The following HOXB6 variants were observed in gnomAD, a reference collection of about 807,000 sequenced individuals.
HOXB6 encodes the protein homeobox protein Hox-B6.
In HOXB6, 18 loss-of-function variants were observed where a neutral mutation model predicts 24.2. That is an observed-to-expected ratio of 0.74 (90% CI 0.51 to 1.10). HOXB6 has a LOEUF of 1.10. Ranked by LOEUF, HOXB6 falls within the 50% of genes least tolerant of loss-of-function variation. The pLI is 0.00. For missense variants in HOXB6, 332 were observed against 308.3 expected (o/e 1.08, Z -0.58); for synonymous variants, 159 against 139.1 (o/e 1.14, Z -1.01).
intron 2 of HOXB6, among the ~76,000 whole-genome samples, chr17:48,600,757 A>G (rs553882156): frequency 2.2e-4 from 33 of 152,256 alleles, no homozygotes; most frequent in Admixed American, 7.2e-4. Context: ...CCCTGCCTCA[A>G]TGAGGAAGTG....
chr17:48,602,946 A>G (rs1480297501), intron 2 of HOXB6, among the ~76,000 whole-genome samples: 1 of 152,214 alleles, frequency 6.6e-6, no homozygotes. Context: ...CGGTCCCTCC[A>G]GGCGCCCAGG....
intron 2 of HOXB6, among the ~76,000 whole-genome samples, 180 bp downstream of exon 2, chr17:48,604,300 A>G (rs2070534685): frequency 6.6e-6 from 1 of 151,864 alleles, no homozygotes; most frequent in Non-Finnish European, 1.5e-5. Flanking sequence ...CTCCCCCTCC[A>G]GGAAGCAGCC....
chr17:48,598,646 T>C (rs1288404271), intron 2 of HOXB6, among the ~76,000 whole-genome samples: 1 of 152,208 alleles, frequency 6.6e-6, no homozygotes, highest in Non-Finnish European at 1.5e-5. Flanking sequence ...CCTGCGTTGC[T>C]TCGACCCCTT....
chr17:48,597,125 G>A (rs2070321774), intron 3 of HOXB6: 2 of 1,055,310 alleles, frequency 1.9e-6, no homozygotes, highest in South Asian at 3.2e-5. Flanking sequence ...GGGACTTAAG[G>A]CCAACAAATA....
intron 2 of HOXB6, 62 bp from the exon 3 acceptor site, chr17:48,598,290 G>A (rs2070372245): frequency 2.4e-6 from 2 of 832,454 alleles, no homozygotes; most frequent in African/African-American, 1.7e-5. Context: ...TGCCAGTGAG[G>A]GCCAGAAGGA....
Position 48,598,927 on chromosome 17 carries a change from C to A in HOXB6, c.-78-699G>T, listed in dbSNP as rs545376360. Among the ~76,000 whole-genome samples the A allele has an allele frequency of 9.9e-5, 15 of 152,214 alleles. 1 individual carries two copies. Among genetic ancestry groups the A allele is most frequent in the Non-Finnish European group, 1.9e-4 (13 of 68,048 alleles). On this transcript the variant is annotated intron_variant, in intron 2 of 3. Transcript: ENST00000225648. ...GCCAGATCCCACTGCCTAGAAGACC[C>A]AGAAGAGGAGGAGCTGGCAGGAGGG...
intron 2 of HOXB6, chr17:48,601,523 CAG>C: frequency 6.5e-6 from 1 of 152,916 alleles, no homozygotes; most frequent in Non-Finnish European, 1.5e-5. Context: ...AGCAAAATCT[CAG>C]AGGGGCCAAG....
chr17:48,601,950 C>T lies in HOXB6; in HGVS notation c.-79+2530G>A, dbSNP rs758905973. ...CGCATAGCCTAGCCCTGGCCACCCC[C>T]TCTTGGGAAGGAGGTCGAGTTAAGC... On this transcript the variant is annotated intron_variant, in intron 2 of 3. Transcript: ENST00000225648. 4 of 383,306 alleles carry T rather than the reference C, an allele frequency of 1.0e-5. 1 individual carries two copies. The highest frequency in any genetic ancestry group is 3.9e-5 in the South Asian group (2 of 51,650). The allele number at this position is 383,306 out of a possible 1,614,324, so 23.7% of individuals were successfully genotyped here. A position where few individuals can be genotyped will look rare whatever the true frequency, so the allele number is the denominator to read the frequency against.
chr17:48,598,641 G>C (rs2070383578), intron 2 of HOXB6, among the ~76,000 whole-genome samples: 1 of 152,168 alleles, frequency 6.6e-6, no homozygotes, highest in Non-Finnish European at 1.5e-5. Context: ...TAACCCCTGC[G>C]TTGCTTCGAC....
intron 3 of HOXB6, 153 bp downstream of exon 3, chr17:48,597,583 C>A (rs1362324921): frequency 2.2e-5 from 18 of 805,624 alleles, no homozygotes; most frequent in Admixed American, 6.6e-5. Context: ...CAGCGAGAGA[C>A]CCCCGGCCGG....
Position 48,596,749 on chromosome 17 carries a change from C to G in HOXB6, c.416-77G>C. On this transcript the variant is annotated intron_variant, in intron 3 of 3. Coordinates refer to ENST00000225648, the MANE Select transcript of HOXB6 (RefSeq NM_018952.5). The surrounding 1 kb of genome is among the most constrained non-coding windows in gnomAD (Gnocchi z 4.8). Reference sequence around the variant, plus strand: ...CCCTCCCCTAGTCGACCCTCGAACACAGACTCCAGCCAGTACCGGGATGCC... The same window carrying G: ...CCCTCCCCTAGTCGACCCTCGAACAGAGACTCCAGCCAGTACCGGGATGCC... The G allele has an allele frequency of 6.3e-7, 1 of 1,587,208 alleles. No individual in the cohort carries two copies. The highest frequency in any genetic ancestry group is 8.5e-7 in the Non-Finnish European group (1 of 1,171,172).
chr17:48,597,949 G>T lies in HOXB6; in HGVS notation c.202C>A (p.Arg68=). Residue 68 remains arginine, a synonymous_variant, in exon 3 of 4, where the codon CGA becomes AGA. Coordinates refer to ENST00000225648, the MANE Select transcript of HOXB6 (RefSeq NM_018952.5). ...YYPPAGGGYG[R]AAPCDYGPAP... Reference sequence around the variant, plus strand: ...GGCCCGTAGTCGCAGGGCGCCGCTCGGCCGTAGCCACCGCCCGCCGGCGGG... The same window carrying T: ...GGCCCGTAGTCGCAGGGCGCCGCTCTGCCGTAGCCACCGCCCGCCGGCGGG... 6.4e-7 allele frequency: 1 copy of T among 1,572,858 alleles called. No homozygotes were observed. The highest frequency in any genetic ancestry group is 8.6e-7 in the Non-Finnish European group (1 of 1,159,740).
chr17:48,596,807 C>T lies in HOXB6; in HGVS notation c.416-135G>A. ...CTGCCGGCTCCCTTCCCCCGTTTCG[C>T]ACTCCTCCAGCGCCCCCTCCAGATT... On this transcript the variant is annotated intron_variant, in intron 3 of 3. Coordinates refer to ENST00000225648, the MANE Select transcript of HOXB6 (RefSeq NM_018952.5). This position sits in a 1 kb window ranked among gnomAD's most constrained non-coding sequence, Gnocchi z 4.8. 1 of 1,406,940 alleles carries T rather than the reference C, an allele frequency of 7.1e-7. No individual in the cohort carries two copies. Among genetic ancestry groups the T allele is most frequent in the Non-Finnish European group, 9.7e-7 (1 of 1,029,340 alleles). The allele number at this position is 1,406,940 out of a possible 1,614,324, so 87.2% of individuals were successfully genotyped here. A position where few individuals can be genotyped will look rare whatever the true frequency, so the allele number is the denominator to read the frequency against.
intron 2 of HOXB6, among the ~76,000 whole-genome samples, chr17:48,598,738 G>A (rs1001790857): frequency 1.3e-5 from 2 of 152,174 alleles, no homozygotes; most frequent in African/African-American, 4.8e-5. Context: ...GTTTTGTGTC[G>A]GTAGAAGGTG....
chr17:48,597,130 C>G, intron 3 of HOXB6: 3 of 1,048,908 alleles, frequency 2.9e-6, no homozygotes, highest in Non-Finnish European at 3.5e-6. Flanking sequence ...TTAAGGCCAA[C>G]AAATAATCCA....
intron 2 of HOXB6, chr17:48,600,487 G>C (rs1354853633): frequency 2.2e-6 from 1 of 455,956 alleles, no homozygotes; most frequent in Admixed American, 2.3e-5. Context: ...GCGGGCCTGG[G>C]CGCCTGGAGT....
Position 48,596,438 on chromosome 17 carries a change from T to G in HOXB6, c.650A>C (p.Glu217Ala). ...TCACTCGGCCTGTTTTTCTTCCTCC[T>G]CCTCGGCACTGAGCTGAGACGCGCT... ...LLSASQLSAE[E>A]EEEKQAE Residue 217 changes from glutamate (E) to alanine (A), a missense_variant, in exon 4 of 4, where the codon GAG (glutamate) becomes GCG (alanine). Physicochemically the swap from Glu to Ala is moderately radical, Grantham distance 107. Transcript: ENST00000225648. This position sits in a 1 kb window ranked among gnomAD's most constrained non-coding sequence, Gnocchi z 4.8. 6.2e-7 allele frequency: 1 copy of G among 1,614,234 alleles called. No individual in the cohort carries two copies. Among genetic ancestry groups the G allele is most frequent in the Non-Finnish European group, 8.5e-7 (1 of 1,180,042 alleles).
intron 2 of HOXB6, chr17:48,601,949 C>T: frequency 2.6e-6 from 1 of 382,068 alleles, no homozygotes; most frequent in South Asian, 1.9e-5. Context: ...CTGGCCACCC[C>T]CTCTTGGGAA....
At chr17:48,603,590 T>G (rs2070518213) in intron 2 of HOXB6, 1 of 152,228 alleles carries the variant, frequency 6.6e-6, no homozygotes, top group Admixed American at 6.5e-5. Context: ...CAGGAAAGTT[T>G]GAAATGTTAT....
Sources: gnomAD v4.1 joint callset for allele counts (sites outside exome capture counted in the v4.1 genomes callset) on GRCh38, gnomAD v4.1.1 for gene constraint, Gnocchi (gnomAD v3.1) non-coding constraint, MANE v1.5 for transcripts, NCBI Gene and HGNC (gene_info 2026-07-23, HGNC 2026-07-21) for gene names.